The following ELAPOR2 variants were observed in gnomAD, a reference collection of about 807,000 sequenced individuals.
ELAPOR2 encodes the protein endosome-lysosome associated apoptosis and autophagy regulator family member 2, also known as endosome/lysosome-associated apoptosis and autophagy regulator family member 2.
A neutral mutation model predicts 120.7 loss-of-function variants in ELAPOR2; 89 were observed. The observed-to-expected ratio is 0.74, with a 90% CI of 0.62 to 0.88. ELAPOR2 has a LOEUF of 0.88. ELAPOR2 is among the 40% of genes least tolerant of loss of function. ELAPOR2 has a pLI of 0.00. For missense variants in ELAPOR2, 1,134 were observed against 1,251.6 expected (o/e 0.91, Z 1.42); for synonymous variants, 444 against 444.9 (o/e 1.00, Z 0.03).
At chr7:86,895,069 T>C (rs1422532652) in intron 19 of ELAPOR2, among the ~76,000 whole-genome samples, 1 of 151,970 alleles carries the variant, frequency 6.6e-6, no homozygotes, top group African/African-American at 2.4e-5. Context: ...AAGTAAAAAA[T>C]TGTAAAGATG....
intron 1 of ELAPOR2, among the ~76,000 whole-genome samples, chr7:87,043,958 C>A (rs1038318034): frequency 1.3e-5 from 2 of 151,324 alleles, no homozygotes; most frequent in Non-Finnish European, 2.9e-5. Flanking sequence ...CATTCTTATA[C>A]ACCAACAACA....
chr7:87,032,599 C>T (rs1415492265), intron 1 of ELAPOR2, among the ~76,000 whole-genome samples: 1 of 152,294 alleles, frequency 6.6e-6, no homozygotes. Flanking sequence ...ACATCCTTCA[C>T]TCCCAGAAAT....
chr7:86,915,948 G>A (rs1289348088), intron 12 of ELAPOR2, among the ~76,000 whole-genome samples: 17 of 151,726 alleles, frequency 1.1e-4, no homozygotes, highest in East Asian at 1.9e-4. Context: ...CATCATTATG[G>A]GTTATAATAA....
Position 87,016,951 on chromosome 7 carries a change from T to C in ELAPOR2, c.189+42374A>G, listed in dbSNP as rs532331663. Among the ~76,000 whole-genome samples the C allele has an allele frequency of 2.6e-5, 4 of 152,146 alleles. No individual in the cohort carries two copies. The South Asian group carries it at 6.2e-4, about 24-fold the overall frequency. On this transcript the variant is annotated intron_variant, in intron 1 of 21. Transcript: ENST00000450689. The stretch of plus-strand genomic sequence containing the variant: ...CCAAAACCCAACTTTCCAACAAGAA[T>C]AAAGATAGAAAACAAGTCTTTTAGA...
At chr7:87,043,789 G>A (rs963254113) in intron 1 of ELAPOR2, among the ~76,000 whole-genome samples, 1 of 151,512 alleles carries the variant, frequency 6.6e-6, no homozygotes, top group Non-Finnish European at 1.5e-5. Context: ...GAAATAAAGG[G>A]TATTCAATTA....
At chr7:87,058,015 A>C (rs1009377331) in intron 1 of ELAPOR2, among the ~76,000 whole-genome samples, 1 of 152,232 alleles carries the variant, frequency 6.6e-6, no homozygotes, top group Non-Finnish European at 1.5e-5. Context: ...ATATAGATTA[A>C]GCTCATTATA....
chr7:87,023,963 G>T (rs1455420159), intron 1 of ELAPOR2, among the ~76,000 whole-genome samples: 3 of 152,242 alleles, frequency 2.0e-5, no homozygotes, highest in African/African-American at 7.2e-5. Context: ...AGGAGATTTT[G>T]GGCTGAGACG....
intron 1 of ELAPOR2, among the ~76,000 whole-genome samples, chr7:87,023,859 C>T (rs1353543811): frequency 6.6e-6 from 1 of 152,108 alleles, no homozygotes; most frequent in East Asian, 1.9e-4. Flanking sequence ...TGATTTGGCT[C>T]TCTGTTTGTC....
intron 10 of ELAPOR2, among the ~76,000 whole-genome samples, 192 bp from the exon 11 acceptor site, chr7:86,919,502 G>A (rs1185313992): frequency 6.6e-6 from 1 of 152,106 alleles, no homozygotes; most frequent in Admixed American, 6.6e-5. Context: ...GAGGAACCAA[G>A]CAATGCATTA....
At chr7:87,050,515 C>A (rs959807433) in intron 1 of ELAPOR2, among the ~76,000 whole-genome samples, 5 of 152,170 alleles carry the variant, frequency 3.3e-5, no homozygotes, top group Non-Finnish European at 7.3e-5. Context: ...AGAGGCCCAG[C>A]ATCTGCCAGC....
At chr7:86,958,972 C>G (rs1047502091) in intron 2 of ELAPOR2, among the ~76,000 whole-genome samples, 2 of 152,130 alleles carry the variant, frequency 1.3e-5, no homozygotes, top group Non-Finnish European at 2.9e-5. Flanking sequence ...CATGGGATAA[C>G]TTTCCATTTA....
In ELAPOR2 at chr7:86,908,562, G is replaced by T. The variant is rs1025153561; in HGVS notation, c.2360-19C>A. ...GTGACTCCTAGATGACATTTAAAAA[G>T]AAACTATTAAGCAATATGGAAAATT... On this transcript the variant is annotated intron_variant, in intron 16 of 21. Transcript: ENST00000450689. 8.5e-7 allele frequency: 1 copy of T among 1,180,784 alleles called. No homozygotes were observed. 73.1% of individuals were successfully genotyped at this position (1,180,784 alleles called of 1,614,324 possible). A position where few individuals can be genotyped will look rare whatever the true frequency, so the allele number is the denominator to read the frequency against.
intron 1 of ELAPOR2, among the ~76,000 whole-genome samples, chr7:86,997,025 T>TA (rs1583969551): frequency 1.3e-5 from 2 of 152,220 alleles, no homozygotes; most frequent in East Asian, 3.8e-4. Flanking sequence ...ATAAGGCTTC[T>TA]AAAAATCACT....
At chr7:86,948,681 A>G (rs1032542404) in intron 2 of ELAPOR2, among the ~76,000 whole-genome samples, 11 of 152,028 alleles carry the variant, frequency 7.2e-5, no homozygotes, top group African/African-American at 2.7e-4. Flanking sequence ...GACTCTGAGA[A>G]CTGTACCCAG....
At chr7:87,005,160 T>C (rs1248434750) in intron 1 of ELAPOR2, among the ~76,000 whole-genome samples, 1 of 152,022 alleles carries the variant, frequency 6.6e-6, no homozygotes, top group African/African-American at 2.4e-5. Context: ...GGGCCCACAG[T>C]GAGACAGTTT....
chr7:87,009,455 G>C (rs952159827), intron 1 of ELAPOR2, among the ~76,000 whole-genome samples: 6 of 152,190 alleles, frequency 3.9e-5, no homozygotes, highest in African/African-American at 7.2e-5. Flanking sequence ...TGGGAATAGA[G>C]AGTAAGAGAA....
At chr7:87,057,673 CT>C (rs1277249024) in intron 1 of ELAPOR2, among the ~76,000 whole-genome samples, 1 of 152,138 alleles carries the variant, frequency 6.6e-6, no homozygotes, top group Non-Finnish European at 1.5e-5. Flanking sequence ...TCCTTTCAAT[CT>C]TTGTTTTAGG....
At chr7:86,889,845 AGGTCAACACAAGAAAGCTAT>A (rs1788050798) in intron 21 of ELAPOR2, among the ~76,000 whole-genome samples, 1 of 151,974 alleles carries the variant, frequency 6.6e-6, no homozygotes, top group Non-Finnish European at 1.5e-5. Flanking sequence ...GCCAGTGGAA[AGGTCAACACAAGAAAGCTAT>A]CTAGCTTTCT....
chr7:87,041,884 A>T (rs2129015827), intron 1 of ELAPOR2, among the ~76,000 whole-genome samples: 1 of 152,050 alleles, frequency 6.6e-6, no homozygotes, highest in East Asian at 1.9e-4. Context: ...GTGCAGAGAC[A>T]CACATAGGCT....
Sources: allele counts gnomAD v4.1 joint callset (sites outside exome capture counted in the v4.1 genomes callset), GRCh38; gene constraint gnomAD v4.1.1; transcripts MANE v1.5; gene names NCBI Gene and HGNC (gene_info 2026-07-23, HGNC 2026-07-21).